MTUS2: variants seen among roughly 807,000 people sequenced by gnomAD.
MTUS2 encodes microtubule-associated tumor suppressor candidate 2.
A neutral mutation model predicts 114.1 loss-of-function variants in MTUS2; 40 were observed. The ratio of observed to expected loss-of-function variants is 0.35; its 90% CI spans 0.27 to 0.46. The LOEUF (loss-of-function observed/expected upper bound fraction) is 0.46. MTUS2 is among the 20% of genes least tolerant of loss of function. The pLI is 1.00. For synonymous variants in MTUS2, 688 were observed against 672.0 expected, an observed-to-expected ratio of 1.02 and a Z score of -0.37; for missense variants, 1,679 against 1,705.4, an observed-to-expected ratio of 0.98 and a Z score of 0.27.
chr13:29,503,931 A>T lies in MTUS2; in HGVS notation c.*725A>T, dbSNP rs1295498130. ...TTATTGATACTCCTGTCATGAGCGG[A>T]TAAGGGAGAGCAGTGGGAAACCCTA... is the stretch of plus-strand genomic sequence containing the variant. On this transcript the variant is annotated 3_prime_UTR_variant, in exon 16 of 16. Transcript: ENST00000612955. 4.3e-6 allele frequency: 1 copy of T among 231,572 alleles called. No individual in the cohort carries two copies. The highest frequency in any genetic ancestry group is 8.6e-6 in the Non-Finnish European group (1 of 116,924). 14.3% of individuals were successfully genotyped at this position (231,572 alleles called of 1,614,324 possible). A position where few individuals can be genotyped will look rare whatever the true frequency, so the allele number is the denominator to read the frequency against.
rs1875113364 is a variant in MTUS2 at position 28,836,770 on chromosome 13, A to G, written c.-315-3008A>G. Reference sequence around the variant, plus strand: ...ATAGCTTGGTTCACATGGAGCAGGAATGGGTGGTTGAAAGGGTGGTGTGGC... The same window carrying G: ...ATAGCTTGGTTCACATGGAGCAGGAGTGGGTGGTTGAAAGGGTGGTGTGGC... On this transcript the variant is annotated intron_variant, in intron 1 of 15. Transcript: ENST00000612955. Among the ~76,000 whole-genome samples the G allele has an allele frequency of 1.3e-5, 2 of 152,176 alleles. 1 individual carries two copies. Among genetic ancestry groups the G allele is most frequent in the South Asian group, 4.1e-4 (2 of 4,830 alleles).
intron 2 of MTUS2, among the ~76,000 whole-genome samples, chr13:28,947,556 T>C (rs1882597074): frequency 1.3e-5 from 2 of 151,950 alleles, no homozygotes; most frequent in African/African-American, 4.8e-5. Context: ...CAAAAAAAAA[T>C]GCTTATTGCT....
chr13:29,210,622 G>A (rs759299329), intron 5 of MTUS2, among the ~76,000 whole-genome samples: 75 of 152,262 alleles, frequency 4.9e-4, no homozygotes, highest in African/African-American at 2.2e-4. Flanking sequence ...CAGGGTGCTC[G>A]CTTTATGTGG....
At chr13:28,842,623 A>T (rs1875585944) in intron 2 of MTUS2, among the ~76,000 whole-genome samples, 1 of 152,198 alleles carries the variant, frequency 6.6e-6, no homozygotes, top group African/African-American at 2.4e-5. Context: ...TATGGTCCAC[A>T]TAGTTGTCCT....
intron 2 of MTUS2, among the ~76,000 whole-genome samples, chr13:28,875,130 A>G (rs1877855199): frequency 6.6e-6 from 1 of 152,216 alleles, no homozygotes; most frequent in Non-Finnish European, 1.5e-5. Context: ...AATCTAGTAG[A>G]TAAGCTATTG....
At chr13:28,911,100 C>T (rs1880397752) in intron 2 of MTUS2, among the ~76,000 whole-genome samples, 1 of 150,052 alleles carries the variant, frequency 6.7e-6, no homozygotes, top group East Asian at 2.0e-4. Flanking sequence ...TGGTCTTGAT[C>T]TCCTGACCCC....
At chr13:29,048,180 T>C (rs1887723746) in intron 4 of MTUS2, among the ~76,000 whole-genome samples, 2 of 152,244 alleles carry the variant, frequency 1.3e-5, no homozygotes, top group South Asian at 4.1e-4. Context: ...GTATTTTTCA[T>C]CTCAAACATT....
At chr13:29,260,848 A>T (rs112288315) in intron 5 of MTUS2, among the ~76,000 whole-genome samples, 3 of 152,302 alleles carry the variant, frequency 2.0e-5, no homozygotes, top group East Asian at 3.9e-4. Flanking sequence ...CAACTTGGGT[A>T]TGGAGAGAAA....
At chr13:29,433,829 A>C (rs1336754168) in intron 8 of MTUS2, among the ~76,000 whole-genome samples, 2 of 152,162 alleles carry the variant, frequency 1.3e-5, no homozygotes, top group East Asian at 1.9e-4. Flanking sequence ...TGAGAAGCGT[A>C]AAAAAACCTT....
chr13:29,098,581 T>A (rs1014549218), intron 4 of MTUS2, among the ~76,000 whole-genome samples: 6 of 152,194 alleles, frequency 3.9e-5, no homozygotes, highest in African/African-American at 1.4e-4. Flanking sequence ...ACTGGCTTCC[T>A]GTGTGCTTGG....
chr13:29,148,200 CTT>C (rs551708762), intron 5 of MTUS2, among the ~76,000 whole-genome samples: 4 of 138,574 alleles, frequency 2.9e-5, no homozygotes, highest in Non-Finnish European at 3.2e-5. Flanking sequence ...TGATGTTGAG[CTT>C]TTTTTTTTTT....
At chr13:29,323,502 G>A (rs570848010) in intron 6 of MTUS2, among the ~76,000 whole-genome samples, 3 of 152,136 alleles carry the variant, frequency 2.0e-5, no homozygotes, top group Non-Finnish European at 2.9e-5. Flanking sequence ...CGCCTGCCTC[G>A]GCCTCCCAAA....
intron 4 of MTUS2, among the ~76,000 whole-genome samples, chr13:29,036,159 AAG>A (rs1206290820): frequency 2.1e-4 from 30 of 141,386 alleles, no homozygotes; most frequent in African/African-American, 6.6e-4. Context: ...AAAAAAAAGA[AAG>A]AAAAATAAAA....
intron 2 of MTUS2, among the ~76,000 whole-genome samples, chr13:28,945,434 T>G (rs327128): frequency 0.76 from 115,770 of 152,070 alleles, 48,526 homozygotes; most frequent in Non-Finnish European, 0.95. Flanking sequence ...TTGTACTAAT[T>G]TACATTCCCA....
chr13:29,046,457 T>G (rs941598022), intron 4 of MTUS2, among the ~76,000 whole-genome samples: 1 of 152,210 alleles, frequency 6.6e-6, no homozygotes, highest in African/African-American at 2.4e-5. Context: ...TTCCTTATCT[T>G]AGCACTGGCA....
In MTUS2 at chr13:28,960,699, GA is replaced by G. The variant is rs1883288434; in HGVS notation, c.-242-63757del. Among the ~76,000 whole-genome samples the G allele has an allele frequency of 4.6e-5, 7 of 152,292 alleles. No homozygotes were observed. In the South Asian group the frequency reaches 1.4e-3, roughly 32 times the overall value. On this transcript the variant is annotated intron_variant, in intron 2 of 15. Coordinates refer to ENST00000612955, the MANE Select transcript of MTUS2 (RefSeq NM_001033602.4). The stretch of plus-strand genomic sequence containing the variant: ...AGATTAGTGGTTTCCAGGGACTGGG[GA>G]GAAAGGGAGATGAGGAGTGACTGGT...
intron 2 of MTUS2, among the ~76,000 whole-genome samples, chr13:28,969,462 GATT>G (rs1207097292): frequency 2.0e-5 from 3 of 151,896 alleles, no homozygotes; most frequent in Non-Finnish European, 2.9e-5. Flanking sequence ...TTATTATGAT[GATT>G]ATTATTTTTG....
intron 2 of MTUS2, among the ~76,000 whole-genome samples, chr13:28,878,292 T>C (rs1470411605): frequency 6.6e-6 from 1 of 151,268 alleles, no homozygotes; most frequent in Non-Finnish European, 1.5e-5. Context: ...TGTATGTGTG[T>C]ACACACACAC....
At chr13:29,101,095 G>T in intron 5 of MTUS2, 125 bp downstream of exon 5, 1 of 1,074,116 alleles carries the variant, frequency 9.3e-7, no homozygotes, top group South Asian at 1.8e-5. Context: ...GCTTCCCATT[G>T]TTGTGTTATT....
Sources: allele counts gnomAD v4.1 joint callset (sites outside exome capture counted in the v4.1 genomes callset), GRCh38; gene constraint gnomAD v4.1.1; transcripts MANE v1.5; gene names NCBI Gene and HGNC (gene_info 2026-07-23, HGNC 2026-07-21).